The following CFAP20DC variants were observed in gnomAD, a reference collection of about 807,000 sequenced individuals.
The protein encoded by CFAP20DC is CFAP20 domain containing, also known as protein CFAP20DC.
In CFAP20DC, 84 loss-of-function variants were observed where a neutral mutation model predicts 101.7. The ratio of observed to expected loss-of-function variants is 0.83; its 90% CI spans 0.69 to 0.99. The LOEUF (loss-of-function observed/expected upper bound fraction) is 0.99. Ranked by LOEUF, CFAP20DC falls within the 50% of genes least tolerant of loss-of-function variation. CFAP20DC has a pLI of 0.00. For synonymous variants in CFAP20DC, 359 were observed against 351.2 expected, an observed-to-expected ratio of 1.02 and a Z score of -0.25; for missense variants, 1,007 against 970.3, an observed-to-expected ratio of 1.04 and a Z score of -0.50.
intron 14 of CFAP20DC, among the ~76,000 whole-genome samples, chr3:58,831,078 C>G (rs530870851): frequency 1.3e-4 from 20 of 152,304 alleles, no homozygotes; most frequent in Non-Finnish European, 2.5e-4. Flanking sequence ...ACCTGAAAAA[C>G]AGGAAGACTA....
chr3:58,860,758 A>G (rs1023599155), intron 12 of CFAP20DC, among the ~76,000 whole-genome samples: 1 of 152,150 alleles, frequency 6.6e-6, no homozygotes, highest in Non-Finnish European at 1.5e-5. Flanking sequence ...AGAGACAATA[A>G]CAGTTGCATG....
chr3:58,825,040 C>T (rs772283169), intron 14 of CFAP20DC, among the ~76,000 whole-genome samples: 4 of 152,008 alleles, frequency 2.6e-5, no homozygotes, highest in Admixed American at 6.6e-5. Flanking sequence ...AATAAACCTA[C>T]TTTTCTTGAA....
intron 5 of CFAP20DC, among the ~76,000 whole-genome samples, chr3:58,919,843 ACTTAT>A (rs1390349762): frequency 3.9e-5 from 6 of 152,084 alleles, no homozygotes; most frequent in African/African-American, 1.2e-4. Context: ...TGGTATATTG[ACTTAT>A]CTTATATGCT....
chr3:58,849,808 A>C (rs1468130993), intron 12 of CFAP20DC, among the ~76,000 whole-genome samples: 1 of 152,272 alleles, frequency 6.6e-6, no homozygotes, highest in East Asian at 1.9e-4. Flanking sequence ...GAAACAACTA[A>C]AACTTATGGT....
At chr3:58,717,049 C>CCATCCT (rs1489400648), downstream of CFAP20DC, among the ~76,000 whole-genome samples, 3 of 151,796 alleles carry the variant, frequency 2.0e-5, no homozygotes, top group Non-Finnish European at 4.4e-5. This position sits in a 1 kb window ranked among gnomAD's most constrained non-coding sequence, Gnocchi z 4.1. Context: ...AGCTATTCCC[C>CCATCCT]CATCCTCTGA....
intron 13 of CFAP20DC, among the ~76,000 whole-genome samples, chr3:58,848,094 C>A (rs2077875007): frequency 2.8e-5 from 4 of 144,298 alleles, no homozygotes; most frequent in Middle Eastern, 6.8e-3. Context: ...GTGCAGTGCA[C>A]CAGCATGGCA....
chr3:58,867,888 G>A lies in CFAP20DC; in HGVS notation c.1064C>T (p.Ala355Val). 1 of 1,613,384 alleles carries A rather than the reference G, an allele frequency of 6.2e-7. No homozygotes were observed. The highest frequency in any genetic ancestry group is 8.5e-7 in the Non-Finnish European group (1 of 1,179,574). Reference protein sequence around the residue: ...MHPHPPQEPSADKNNNRRRLR... With the variant: ...MHPHPPQEPSVDKNNNRRRLR... ...TCTTCTTCTGTTATTATTCTTATCT[G>A]CTGATGGTTCTTGAGGGGGATGCGG... is the stretch of plus-strand genomic sequence containing the variant. The change falls in exon 10 of 17, where the codon GCA becomes GTA. Residue 355 changes from alanine to valine, a missense_variant. Transcript: ENST00000482387.
chr3:58,926,988 T>A (rs553489522), intron 5 of CFAP20DC, among the ~76,000 whole-genome samples: 75 of 152,338 alleles, frequency 4.9e-4, no homozygotes, highest in Non-Finnish European at 5.0e-4. Context: ...GACACCAGCA[T>A]CAACTAATTG....
At chr3:58,804,321 A>G (rs984087788) in intron 15 of CFAP20DC, among the ~76,000 whole-genome samples, 2 of 151,646 alleles carry the variant, frequency 1.3e-5, no homozygotes, top group Non-Finnish European at 2.9e-5. Context: ...ACTGTCTAAC[A>G]TATCTTACTA....
intron 5 of CFAP20DC, among the ~76,000 whole-genome samples, chr3:58,932,858 G>C (rs1013321339): frequency 6.6e-6 from 1 of 152,150 alleles, no homozygotes; most frequent in Non-Finnish European, 1.5e-5. Context: ...GGAAGAAACT[G>C]CATCAACTAA....
intron 4 of CFAP20DC, among the ~76,000 whole-genome samples, chr3:58,996,272 T>C (rs1011418782): frequency 1.3e-5 from 2 of 152,182 alleles, no homozygotes; most frequent in African/African-American, 4.8e-5. Flanking sequence ...GCTAATATGG[T>C]AGCAAAAGAG....
chr3:58,796,971 G>A lies in CFAP20DC; in HGVS notation c.2237+9424C>T, dbSNP rs9822465. Among the ~76,000 whole-genome samples the A allele has an allele frequency of 9.9e-3, 1,507 of 152,184 alleles. 23 individuals carry two copies. Among genetic ancestry groups the A allele is most frequent in the African/African-American group, 0.035 (1,456 of 41,522 alleles). On this transcript the variant is annotated intron_variant, in intron 15 of 16. Transcript: ENST00000482387. ...ATAAGATGGCAAATTTAGTAAATGCGGTTTGTATTCTGACTAATTCCACTT... is the reference window on the plus strand; with the variant it reads ...ATAAGATGGCAAATTTAGTAAATGCAGTTTGTATTCTGACTAATTCCACTT...
intron 4 of CFAP20DC, among the ~76,000 whole-genome samples, chr3:58,959,916 A>T (rs1451097102): frequency 6.6e-6 from 1 of 152,170 alleles, no homozygotes; most frequent in Non-Finnish European, 1.5e-5. Context: ...AATTTCTCTC[A>T]GCAGTGTTCT....
intron 14 of CFAP20DC, among the ~76,000 whole-genome samples, chr3:58,814,327 C>T (rs190901623): frequency 2.0e-5 from 3 of 151,764 alleles, no homozygotes; most frequent in Admixed American, 6.6e-5. Flanking sequence ...TAAAAACTCT[C>T]AATAAATTAG....
chr3:59,045,979 GCCAAATA>G (rs1247226030), intron 3 of CFAP20DC, among the ~76,000 whole-genome samples: 2 of 152,030 alleles, frequency 1.3e-5, no homozygotes, highest in African/African-American at 2.4e-5. Context: ...ATTAATGGCT[GCCAAATA>G]CTCTTCTAAA....
intron 14 of CFAP20DC, among the ~76,000 whole-genome samples, chr3:58,825,830 T>G (rs1270149615): frequency 6.6e-6 from 1 of 152,226 alleles, no homozygotes; most frequent in Non-Finnish European, 1.5e-5. Context: ...GATTTCTCAG[T>G]AGGCTTGATT....
At chr3:58,934,946 T>A (rs1351761998) in intron 5 of CFAP20DC, among the ~76,000 whole-genome samples, 1 of 152,176 alleles carries the variant, frequency 6.6e-6, no homozygotes, top group Non-Finnish European at 1.5e-5. Context: ...GAGAAGGAAA[T>A]AAGGGGTATT....
chr3:58,814,910 A>G (rs1163689352), intron 14 of CFAP20DC, among the ~76,000 whole-genome samples: 3 of 150,292 alleles, frequency 2.0e-5, no homozygotes, highest in South Asian at 2.1e-4. Context: ...AAGAATCAAT[A>G]TCGTGAAAAT....
intron 13 of CFAP20DC, among the ~76,000 whole-genome samples, chr3:58,839,239 G>A (rs547161433): frequency 1.5e-4 from 23 of 152,152 alleles, no homozygotes; most frequent in Non-Finnish European, 3.1e-4. Flanking sequence ...CTCTAATTGG[G>A]GGTAGCAGCC....
Sources: allele counts gnomAD v4.1 joint callset (sites outside exome capture counted in the v4.1 genomes callset), GRCh38; gene constraint gnomAD v4.1.1; non-coding constraint Gnocchi (gnomAD v3.1); transcripts MANE v1.5; gene names NCBI Gene and HGNC (gene_info 2026-07-23, HGNC 2026-07-21).